The following TTLL11 variants were observed in gnomAD, a reference collection of about 807,000 sequenced individuals.
TTLL11 encodes tubulin tyrosine ligase like 11, also known as tubulin polyglutamylase TTLL11.
TTLL11 carries 42 observed loss-of-function variants against 51.7 expected under a neutral mutation model. The observed-to-expected ratio is 0.81, with a 90% CI of 0.64 to 1.05. TTLL11 has a LOEUF of 1.05. Among genes scored for constraint, TTLL11 ranks in the 50% least tolerant of loss-of-function variants. TTLL11 has a pLI of 0.00. For synonymous variants in TTLL11, 381 were observed against 383.5 expected, an observed-to-expected ratio of 0.99 and a Z score of 0.08; for missense variants, 799 against 940.4, an observed-to-expected ratio of 0.85 and a Z score of 1.97.
chr9:121,909,982 G>A (rs1304821673), intron 6 of TTLL11, among the ~76,000 whole-genome samples: 6 of 152,182 alleles, frequency 3.9e-5, no homozygotes, highest in Non-Finnish European at 5.9e-5. Flanking sequence ...TGTGGATGGC[G>A]TCTAAGATGC....
At chr9:122,090,908 T>G (rs960312903) in intron 1 of TTLL11, among the ~76,000 whole-genome samples, 1 of 152,012 alleles carries the variant, frequency 6.6e-6, no homozygotes, top group African/African-American at 2.4e-5. Context: ...AAAGGGAGAA[T>G]TTCAGGATGC....
At position 121,820,967 on chromosome 9, in the gene TTLL11, C is replaced by T. The variant is rs1351085796; in HGVS notation, c.*1620G>A. On this transcript the variant is annotated 3_prime_UTR_variant, in exon 9 of 9. Coordinates refer to ENST00000321582, the MANE Select transcript of TTLL11 (RefSeq NM_001139442.2). The stretch of plus-strand genomic sequence containing the variant: ...GAAGGGGTGCTGCGCGGCAGCCACA[C>T]CGTGGGGGAAACAGGTTTTCCTCTT... Among the ~76,000 whole-genome samples the T allele has an allele frequency of 6.6e-6, 1 of 151,836 alleles. No individual in the cohort carries two copies. Among genetic ancestry groups the T allele is most frequent in the Admixed American group, 6.6e-5 (1 of 15,226 alleles).
chr9:121,974,979 T>A lies in TTLL11; in HGVS notation c.1270A>T (p.Ile424Phe). The part of the protein sequence containing the change: ...TGRPGPTCFQ[I>F]LGFDILLMKN... ...ATTAGAAGAATGTCAAAGCCTAAAA[T>A]CTGGGCAGGATAAACACAATTCAGA... The change falls in exon 5 of 9, where the codon ATT becomes TTT. Residue 424 changes from isoleucine (I) to phenylalanine (F), a missense_variant and splice_region_variant. Ile to Phe is a conservative substitution (Grantham distance 21). Coordinates refer to ENST00000321582, the MANE Select transcript of TTLL11 (RefSeq NM_001139442.2). 6.5e-7 allele frequency: 1 copy of A among 1,537,592 alleles called. No homozygotes were observed. Among genetic ancestry groups the A allele is most frequent in the South Asian group, 1.2e-5 (1 of 80,768 alleles).
intron 1 of TTLL11, among the ~76,000 whole-genome samples, chr9:122,064,207 G>A (rs902538748): frequency 1.3e-5 from 2 of 152,100 alleles, no homozygotes; most frequent in African/African-American, 2.4e-5. Flanking sequence ...TTAAAGATAT[G>A]CTATCCACAG....
chr9:121,978,693 C>A (rs1054576514), intron 4 of TTLL11, among the ~76,000 whole-genome samples: 1 of 152,102 alleles, frequency 6.6e-6, no homozygotes, highest in Non-Finnish European at 1.5e-5. Context: ...TTAAAGATAT[C>A]TGTCCTTCAT....
chr9:122,069,592 G>A (rs1845677088), intron 1 of TTLL11, among the ~76,000 whole-genome samples: 1 of 152,194 alleles, frequency 6.6e-6, no homozygotes, highest in South Asian at 2.1e-4. Flanking sequence ...TGAGGCGGGA[G>A]AATCGCTTGA....
chr9:122,086,327 C>T (rs1325911822), intron 1 of TTLL11, among the ~76,000 whole-genome samples: 1 of 152,078 alleles, frequency 6.6e-6, no homozygotes. Flanking sequence ...TATGTTATGA[C>T]AAGTTTAACT....
Position 121,816,895 on chromosome 9 carries a change from A to G in TTLL11, c.*5692T>C, listed in dbSNP as rs1271324753. The G allele has an allele frequency of 1.3e-5, 2 of 152,212 alleles. No homozygotes were observed. The highest frequency in any genetic ancestry group is 2.9e-5 in the Non-Finnish European group (2 of 68,028). The allele number at this position is 152,212 out of a possible 1,614,324, so 9.4% of individuals were successfully genotyped here. Reference sequence around the variant, plus strand: ...TGTGAGGGAGAAATTCATATGCCATAGGGGAAAATTTCTCTCACATTCATC... The same window carrying G: ...TGTGAGGGAGAAATTCATATGCCATGGGGGAAAATTTCTCTCACATTCATC... On this transcript the variant is annotated 3_prime_UTR_variant, in exon 9 of 9. Coordinates refer to ENST00000321582, the MANE Select transcript of TTLL11 (RefSeq NM_001139442.2).
intron 6 of TTLL11, among the ~76,000 whole-genome samples, chr9:121,889,914 G>A (rs1839160247): frequency 6.6e-6 from 1 of 151,756 alleles, no homozygotes; most frequent in Non-Finnish European, 1.5e-5. Context: ...GGGGCGGGGG[G>A]GGAGGTGAGG....
At chr9:121,940,641 T>C (rs1841418438) in intron 6 of TTLL11, among the ~76,000 whole-genome samples, 1 of 151,966 alleles carries the variant, frequency 6.6e-6, no homozygotes. Flanking sequence ...CCCAGCCGAC[T>C]TTCTCTCTCT....
chr9:121,939,933 A>G (rs187591971), intron 6 of TTLL11, among the ~76,000 whole-genome samples: 76 of 152,234 alleles, frequency 5.0e-4, no homozygotes, highest in Non-Finnish European at 1.2e-4. Flanking sequence ...GGGAGCAGGG[A>G]AAGAGGCTGG....
chr9:122,034,042 A>T (rs897440900), intron 2 of TTLL11, among the ~76,000 whole-genome samples: 2 of 152,244 alleles, frequency 1.3e-5, no homozygotes, highest in Non-Finnish European at 2.9e-5. Flanking sequence ...GTTTACTAAC[A>T]TTAAAATGTT....
intron 3 of TTLL11, among the ~76,000 whole-genome samples, chr9:121,993,520 G>A (rs991701527): frequency 1.4e-4 from 22 of 152,208 alleles, no homozygotes; most frequent in African/African-American, 4.1e-4. Flanking sequence ...TTCCGCCAGC[G>A]AGCAAATGCT....
intron 6 of TTLL11, among the ~76,000 whole-genome samples, chr9:121,916,451 T>G (rs922170683): frequency 7.9e-5 from 12 of 152,128 alleles, no homozygotes; most frequent in African/African-American, 2.9e-4. Context: ...TCTATAGACT[T>G]TAGAAATTGT....
intron 6 of TTLL11, among the ~76,000 whole-genome samples, chr9:121,899,363 GTGTA>G: frequency 1.2e-5 from 1 of 83,710 alleles, no homozygotes; most frequent in Non-Finnish European, 2.5e-5. Context: ...GTATGTGTGT[GTGTA>G]TATATATATA....
At chr9:122,087,883 A>G (rs1334952555) in intron 1 of TTLL11, among the ~76,000 whole-genome samples, 3 of 152,252 alleles carry the variant, frequency 2.0e-5, no homozygotes, top group Non-Finnish European at 4.4e-5. Flanking sequence ...CTCTGTAAAC[A>G]TGATTTTGCT....
At chr9:121,867,697 T>C (rs1487452632) in intron 7 of TTLL11, among the ~76,000 whole-genome samples, 1 of 152,158 alleles carries the variant, frequency 6.6e-6, no homozygotes, top group Non-Finnish European at 1.5e-5. Flanking sequence ...CTCGGGAGCC[T>C]GCTTTGATTC....
intron 6 of TTLL11, among the ~76,000 whole-genome samples, chr9:121,971,479 C>T (rs1219304609): frequency 7.7e-6 from 1 of 129,236 alleles, no homozygotes; most frequent in African/African-American, 2.6e-5. Context: ...CCAGCCGCCC[C>T]GTCCGGGAGG....
chr9:121,912,608 C>T (rs1449573041), intron 6 of TTLL11, among the ~76,000 whole-genome samples: 1 of 152,100 alleles, frequency 6.6e-6, no homozygotes, highest in Non-Finnish European at 1.5e-5. Context: ...ACTTGTCACC[C>T]CCTAAATTGT....
Sources: allele counts gnomAD v4.1 joint callset (sites outside exome capture counted in the v4.1 genomes callset), GRCh38; gene constraint gnomAD v4.1.1; transcripts MANE v1.5; gene names NCBI Gene and HGNC (gene_info 2026-07-23, HGNC 2026-07-21).